The following TSPAN1 variants were observed in gnomAD, a reference collection of about 807,000 sequenced individuals.
TSPAN1 encodes tetraspanin 1.
Under a neutral mutation model 26.9 loss-of-function variants are expected in TSPAN1, and 23 were observed. The ratio of observed to expected loss-of-function variants is 0.85; its 90% CI spans 0.62 to 1.21. The LOEUF is 1.21. Among genes scored for constraint, TSPAN1 ranks in the 50% most tolerant of loss-of-function variants. The probability of loss-of-function intolerance (pLI) is 0.00; values close to 1 mark genes in which losing one functional copy is unlikely to be tolerated. For missense variants in TSPAN1, 283 were observed against 298.4 expected, an observed-to-expected ratio of 0.95 and a Z score of 0.38; for synonymous variants, 115 against 114.8, an observed-to-expected ratio of 1.00 and a Z score of -0.01.
chr1:46,194,540 C>T, the TSPAN1 span: 3 of 1,614,182 alleles, frequency 1.9e-6, no homozygotes, highest in Admixed American at 1.7e-5. Flanking sequence ...CATCCATGCT[C>T]CACTAACTCC....
At chr1:46,188,948 C>A (rs774184831), downstream of TSPAN1, 2 of 1,612,720 alleles carry the variant, frequency 1.2e-6, no homozygotes, top group Non-Finnish European at 1.7e-6. Flanking sequence ...GCCCTCAGGA[C>A]AGTCAATAAA....
At chr1:46,192,105 T>C in the TSPAN1 span, 1 of 1,613,884 alleles carries the variant, frequency 6.2e-7, no homozygotes, top group South Asian at 1.1e-5. Context: ...CACGTGAAAG[T>C]AGCCATTCAT....
At chr1:46,176,419 G>T (rs1408602833) in intron 1 of TSPAN1, 2 of 1,535,772 alleles carry the variant, frequency 1.3e-6, no homozygotes, top group Admixed American at 3.9e-5. Context: ...CCTGCGGTAG[G>T]GGGAACGCAT....
the TSPAN1 span, chr1:46,191,643 CT>C: frequency 6.2e-4 from 156 of 251,578 alleles, no homozygotes; most frequent in Middle Eastern, 1.5e-3. Flanking sequence ...ATTTTATCCT[CT>C]TTTTTTTTGA....
downstream of TSPAN1, chr1:46,190,167 C>A: frequency 1.3e-6 from 1 of 784,932 alleles, no homozygotes; most frequent in East Asian, 2.8e-5. Flanking sequence ...GCCTCAGCCT[C>A]CCAAGTAGCT....
downstream of TSPAN1, chr1:46,189,930 G>C (rs760119298): frequency 6.2e-7 from 1 of 1,614,100 alleles, no homozygotes. Context: ...GTGGCCCTCT[G>C]TGTCTGGCAG....
rs541724683 is a variant in TSPAN1 at position 46,176,058 on chromosome 1, G to A, written c.-142+649G>A. Among the ~76,000 whole-genome samples, 51 of 152,218 alleles carry A rather than the reference G, an allele frequency of 3.4e-4. 1 individual carries two copies. The South Asian group carries it at 8.9e-3, about 27-fold the overall frequency. On this transcript the variant is annotated intron_variant, in intron 1 of 8. Transcript: ENST00000372003. ...CGGCTAATTTTTTTTTGTATTTTTA[G>A]TAGAGATGGGATTTCACCGTGTTAG... is the stretch of plus-strand genomic sequence containing the variant.
At chr1:46,194,495 G>T in the TSPAN1 span, 8 of 1,614,120 alleles carry the variant, frequency 5.0e-6, no homozygotes, top group Non-Finnish European at 6.8e-6. Context: ...TCCACAGAGA[G>T]ATCTAAATGC....
At chr1:46,192,344 C>T in the TSPAN1 span, 20 of 1,614,072 alleles carry the variant, frequency 1.2e-5, no homozygotes, top group Non-Finnish European at 1.7e-5. Flanking sequence ...CAAGCTCCTC[C>T]TTGTACAAGG....
In TSPAN1 at chr1:46,184,618, T is replaced by A. The variant is rs753951769; in HGVS notation, c.289T>A (p.Phe97Ile). 1 of 1,614,230 alleles carries A rather than the reference T, an allele frequency of 6.2e-7. No individual in the cohort carries two copies. Among genetic ancestry groups the A allele is most frequent in the Non-Finnish European group, 8.5e-7 (1 of 1,180,040 alleles). ...VTFFFILLLI[F>I]IAEVAAAVVA... ...GTTCTTCTTCATCCTCCTCCTCATC[T>A]TCATTGCTGAGGTTGCAGCTGCTGT... is the stretch of plus-strand genomic sequence containing the variant. Residue 97 changes from phenylalanine to isoleucine, a missense_variant, in exon 5 of 9, where the codon TTC becomes ATC. Transcript: ENST00000372003.
chr1:46,194,627 G>A, the TSPAN1 span: 7 of 1,614,230 alleles, frequency 4.3e-6, no homozygotes, highest in Non-Finnish European at 5.9e-6. Flanking sequence ...AGGTGATTTA[G>A]AATGTTTCTC....
At chr1:46,177,867 G>C (rs754536751) in intron 1 of TSPAN1, among the ~76,000 whole-genome samples, 1 of 152,172 alleles carries the variant, frequency 6.6e-6, no homozygotes, top group Non-Finnish European at 1.5e-5. Flanking sequence ...AAGGAAACTG[G>C]GGCTCAGTGA....
chr1:46,190,873 A>C, downstream of TSPAN1: 1 of 1,251,882 alleles, frequency 8.0e-7, no homozygotes, highest in Non-Finnish European at 1.2e-6. Context: ...TAAGACACAC[A>C]AATGAAGTCC....
At chr1:46,186,666 T>TG (rs1194447913), downstream of TSPAN1, among the ~76,000 whole-genome samples, 1 of 135,404 alleles carries the variant, frequency 7.4e-6, no homozygotes, top group Non-Finnish European at 1.6e-5. Flanking sequence ...ATTTTTGTGT[T>TG]TTTTTTTTTT....
chr1:46,183,578 T>G (rs1657358713), intron 3 of TSPAN1: 2 of 165,916 alleles, frequency 1.2e-5, no homozygotes, highest in South Asian at 2.9e-4. Flanking sequence ...GCTCTGGCTG[T>G]ATTCCCACTG....
At chr1:46,193,336 G>C in the TSPAN1 span, 2 of 1,613,630 alleles carry the variant, frequency 1.2e-6, no homozygotes, top group South Asian at 2.2e-5. Flanking sequence ...GATGCTGATG[G>C]GAGTATGCTG....
At chr1:46,188,819 G>A (rs148903585), downstream of TSPAN1, 1,040 of 1,612,918 alleles carry the variant, frequency 6.4e-4, 7 homozygotes, top group African/African-American at 0.011. Context: ...GTGGGCCCCA[G>A]CTGGGCCTGT....
chr1:46,182,304 C>CAAA lies in TSPAN1; in HGVS notation c.57+1151_57+1153dup, dbSNP rs71062743. On this transcript the variant is annotated intron_variant, in intron 3 of 8. Coordinates refer to ENST00000372003, the MANE Select transcript of TSPAN1 (RefSeq NM_005727.4). ...GGAAACCCAATTTATTAGGGATAAG[C>CAAA]AAAAAAAAAAAAAGCCACTGTGAAG... Among the ~76,000 whole-genome samples, 19 of 30,166 alleles carry CAAA rather than the reference C, an allele frequency of 6.3e-4. 5 individuals carry two copies. Among genetic ancestry groups the CAAA allele is most frequent in the East Asian group, 5.9e-3 (4 of 678 alleles). 19.8% of individuals were successfully genotyped at this position (30,166 alleles called of 152,430 possible).
downstream of TSPAN1, chr1:46,189,231 G>A (rs949105013): frequency 1.9e-6 from 3 of 1,596,226 alleles, no homozygotes; most frequent in East Asian, 6.7e-5. Flanking sequence ...CAGCCTGGGG[G>A]TACACAGTAC....
Sources: gnomAD v4.1 joint callset for allele counts (sites outside exome capture counted in the v4.1 genomes callset) on GRCh38, gnomAD v4.1.1 for gene constraint, MANE v1.5 for transcripts, NCBI Gene and HGNC (gene_info 2026-07-23, HGNC 2026-07-21) for gene names.